The following GPX6 variants were observed in gnomAD, a reference collection of about 807,000 sequenced individuals.
The protein encoded by GPX6 is glutathione peroxidase 6, also known as glutathione peroxidase 6 (olfactory).
In GPX6, 21 loss-of-function variants were observed where a neutral mutation model predicts 20.0. The ratio of observed to expected loss-of-function variants is 1.05; its 90% confidence interval spans 0.74 to 1.51. The LOEUF is 1.51. GPX6 is among the 40% of genes most tolerant of loss of function. The pLI is 0.00. For missense variants in GPX6, 233 were observed against 254.7 expected (o/e 0.91, Z 0.58); for synonymous variants, 75 against 98.0 (o/e 0.77, Z 1.38).
At chr6:28,506,275 C>A in intron 3 of GPX6, 37 bp downstream of exon 3, 1 of 1,265,924 alleles carries the variant, frequency 7.9e-7, no homozygotes, top group Non-Finnish European at 1.2e-6. Flanking sequence ...ATGGAAATCC[C>A]GACAGGGCAT....
chr6:28,515,258 G>C (rs1379684259), intron 1 of GPX6, among the ~76,000 whole-genome samples: 1 of 152,094 alleles, frequency 6.6e-6, no homozygotes, highest in African/African-American at 2.4e-5. Context: ...GAGTAACCAG[G>C]GCAGCCTCCC....
intron 2 of GPX6, among the ~76,000 whole-genome samples, chr6:28,509,233 G>C (rs1242835346): frequency 6.6e-6 from 1 of 151,844 alleles, no homozygotes; most frequent in African/African-American, 2.4e-5. Context: ...ACTTGTTTTT[G>C]TATAGACCAG....
intron 1 of GPX6, among the ~76,000 whole-genome samples, chr6:28,514,702 G>C (rs1028598898): frequency 6.6e-6 from 1 of 152,210 alleles, no homozygotes; most frequent in Non-Finnish European, 1.5e-5. Flanking sequence ...GTGGGGCCCA[G>C]CAATTGTGCT....
At chr6:28,513,040 C>T (rs1762932759) in intron 1 of GPX6, among the ~76,000 whole-genome samples, 1 of 152,164 alleles carries the variant, frequency 6.6e-6, no homozygotes. Flanking sequence ...CAATTTTGAA[C>T]ACAGTAGGAG....
intron 2 of GPX6, among the ~76,000 whole-genome samples, chr6:28,506,704 T>A (rs1248382834): frequency 7.6e-4 from 70 of 91,752 alleles, no homozygotes; most frequent in Non-Finnish European, 9.2e-4. Context: ...TTTTTTTTTT[T>A]AAACACACAC....
intron 2 of GPX6, among the ~76,000 whole-genome samples, chr6:28,508,512 TA>T (rs1171413173): frequency 1.3e-5 from 2 of 151,978 alleles, no homozygotes; most frequent in East Asian, 1.9e-4. Flanking sequence ...TACATAAAAA[TA>T]AAAAAATTGA....
At chr6:28,514,177 C>G (rs921182415) in intron 1 of GPX6, among the ~76,000 whole-genome samples, 1 of 152,134 alleles carries the variant, frequency 6.6e-6, no homozygotes, top group Non-Finnish European at 1.5e-5. Flanking sequence ...ATTTGTATGC[C>G]TCCATTTTCT....
rs34019940 is a variant in GPX6 at position 28,504,137 on chromosome 6, T to G, written c.*155A>C. 7.3e-3 allele frequency: 4,525 copies of G among 618,874 alleles called. 108 individuals carry two copies. The highest frequency in any genetic ancestry group is 0.058 in the African/African-American group (2,994 of 51,820). The allele number at this position is 618,874 out of a possible 1,614,324, so 38.3% of individuals were successfully genotyped here. A position where few individuals can be genotyped will look rare whatever the true frequency, so the allele number is the denominator to read the frequency against. On this transcript the variant is annotated 3_prime_UTR_variant, in exon 5 of 5. Transcript: ENST00000361902. ...ACACACACACACAGCTACACACACA[T>G]GCTAAGCAGGTGCTTGGGTAGTACA... is the stretch of plus-strand genomic sequence containing the variant.
rs546800640 is a variant in GPX6, at chr6:28,506,365, G to T, written c.306C>A (p.Asn102Lys). 4 of 1,613,924 alleles carry T rather than the reference G, an allele frequency of 2.5e-6. No individual in the cohort carries two copies. In the Admixed American group the frequency reaches 5.0e-5, roughly 20 times the overall value. Residue 102 changes from asparagine to lysine, a missense_variant, in exon 3 of 5, where the codon AAC becomes AAA. Asn to Lys is a moderately conservative substitution (Grantham distance 94). Coordinates refer to ENST00000361902, the MANE Select transcript of GPX6 (RefSeq NM_182701.1). ...FGVIVLAFPC[N>K]QFGKQEPGTN... ...TTCCTGGTTCTTGTTTTCCAAACTG[G>T]TTGCAGGGAAAGGCCAACACAATGA...
chr6:28,505,278 C>A (rs753710691), intron 4 of GPX6, among the ~76,000 whole-genome samples: 6 of 152,184 alleles, frequency 3.9e-5, no homozygotes, highest in Non-Finnish European at 8.8e-5. Context: ...GACAAAGAGA[C>A]CCTCGGGGGT....
In GPX6 at chr6:28,513,888, C is replaced by A. The variant is rs372825797; in HGVS notation, c.87+1769G>T. Among the ~76,000 whole-genome samples the A allele has an allele frequency of 1.2e-4, 19 of 152,330 alleles. 1 individual carries two copies. Among genetic ancestry groups the A allele is most frequent in the African/African-American group, 4.3e-4 (18 of 41,570 alleles). On this transcript the variant is annotated intron_variant, in intron 1 of 4. Coordinates refer to ENST00000361902, the MANE Select transcript of GPX6 (RefSeq NM_182701.1). ...ATCTTCTGAGTCTGTTACCACGACACAAGGCCACAGCTTCTCCTTCATTAT... is the reference window on the plus strand; with the variant it reads ...ATCTTCTGAGTCTGTTACCACGACAAAAGGCCACAGCTTCTCCTTCATTAT...
chr6:28,513,193 G>T (rs1762940744), intron 1 of GPX6, among the ~76,000 whole-genome samples: 3 of 152,162 alleles, frequency 2.0e-5, no homozygotes, highest in Admixed American at 6.5e-5. Flanking sequence ...GCCCACGTGT[G>T]ATCCGATTCT....
chr6:28,511,877 C>A (rs1244683634), intron 1 of GPX6, among the ~76,000 whole-genome samples: 1 of 152,260 alleles, frequency 6.6e-6, no homozygotes, highest in Non-Finnish European at 1.5e-5. Context: ...GCGCGTGGCA[C>A]TTGCGGGCCA....
In GPX6 at chr6:28,509,318, G is replaced by A. The variant is rs528357803; in HGVS notation, c.241+1433C>T. 3.4e-3 allele frequency among the ~76,000 whole-genome samples: 512 copies of A among 148,858 alleles called. 1 individual carries two copies. The highest frequency in any genetic ancestry group is 5.5e-3 in the Non-Finnish European group (375 of 67,672). On this transcript the variant is annotated intron_variant, in intron 2 of 4. Coordinates refer to ENST00000361902, the MANE Select transcript of GPX6 (RefSeq NM_182701.1). The stretch of plus-strand genomic sequence containing the variant: ...GTGGATCATTTGAGGTCAGGAGTTC[G>A]AGACCAGCCTGGCCAACATGGCAAA...
rs406113 is a variant in GPX6, at chr6:28,515,705, A to C, written c.39T>G (p.Phe13Leu). 564,783 of 1,611,226 alleles carry C rather than the reference A, an allele frequency of 0.35. 106,481 individuals carry two copies. Among genetic ancestry groups the C allele is most frequent in the African/African-American group, 0.71 (52,769 of 74,846 alleles). The change falls in exon 1 of 5, where the codon TTT becomes TTG. Residue 13 changes from phenylalanine to leucine, a missense_variant. By Grantham distance (22) the Phe-to-Leu change is conservative (BLOSUM62 0). Coordinates refer to ENST00000361902, the MANE Select transcript of GPX6 (RefSeq NM_182701.1). ...QQFQASCLVL[F>L]FLVGFAQQTL... ...TCTGCTGAGCAAAGCCAACCAGGAA[A>C]AACAGGACAAGACAGGAGGCCTGGA... is the stretch of plus-strand genomic sequence containing the variant.
chr6:28,508,796 G>A (rs1762832403), intron 2 of GPX6, among the ~76,000 whole-genome samples: 1 of 152,122 alleles, frequency 6.6e-6, no homozygotes, highest in Non-Finnish European at 1.5e-5. Flanking sequence ...GACAGAGCAA[G>A]ACCCTGTCTC....
At chr6:28,511,705 C>G (rs1387504341) in intron 1 of GPX6, among the ~76,000 whole-genome samples, 1 of 152,280 alleles carries the variant, frequency 6.6e-6, no homozygotes, top group East Asian at 1.9e-4. Flanking sequence ...TGCTCGCTCT[C>G]CGCGCCTCCT....
chr6:28,510,784 C>T lies in GPX6; in HGVS notation c.208G>A (p.Ala70Thr), dbSNP rs1451791309. 6.2e-7 allele frequency: 1 copy of T among 1,614,008 alleles called. No homozygotes were observed. The highest frequency in any genetic ancestry group is 1.1e-5 in the South Asian group (1 of 91,072). ...TGAGCTGCCAAGCCTCAATAGGCGG[C>T]CACATTGACAAACAGGACGTGCTTG... The part of the protein sequence containing the change: ...AGKHVLFVNV[A>T]AYUGLAAQYP... Residue 70 changes from alanine (A) to threonine (T), a missense_variant, in exon 2 of 5, where the codon GCC (alanine) becomes ACC (threonine). Ala to Thr is a moderately conservative substitution (Grantham distance 58, BLOSUM62 0). Transcript: ENST00000361902.
chr6:28,513,961 A>G (rs1253422730), intron 1 of GPX6, among the ~76,000 whole-genome samples: 2 of 152,240 alleles, frequency 1.3e-5, no homozygotes, highest in Non-Finnish European at 2.9e-5. Flanking sequence ...TTTCAAGTCC[A>G]TATTTCTGTA....
Sources: allele counts gnomAD v4.1 joint callset (sites outside exome capture counted in the v4.1 genomes callset), GRCh38; gene constraint gnomAD v4.1.1; transcripts MANE v1.5; gene names NCBI Gene and HGNC (gene_info 2026-07-23, HGNC 2026-07-21).